Variants in MACROD2 observed in about 807,000 individuals in gnomAD.
MACROD2 encodes mono-ADP ribosylhydrolase 2.
In MACROD2, 36 loss-of-function variants were observed where a neutral mutation model predicts 70.4. The ratio of observed to expected loss-of-function variants is 0.51; its 90% CI spans 0.39 to 0.68. The LOEUF (loss-of-function observed/expected upper bound fraction) is 0.68. Ranked by LOEUF, MACROD2 falls within the 30% of genes least tolerant of loss-of-function variation. The pLI is 0.00. For synonymous variants in MACROD2, 172 were observed against 178.8 expected, an observed-to-expected ratio of 0.96 and a Z score of 0.30; for missense variants, 496 against 538.4, an observed-to-expected ratio of 0.92 and a Z score of 0.78.
chr20:15,861,889 G>T (rs1714533810), intron 8 of MACROD2, among the ~76,000 whole-genome samples: 1 of 152,248 alleles, frequency 6.6e-6, no homozygotes, highest in Non-Finnish European at 1.5e-5. Flanking sequence ...TATGCAACTT[G>T]CCAGTGAGTG....
chr20:15,413,289 G>A (rs1020289154), intron 6 of MACROD2, among the ~76,000 whole-genome samples: 5 of 152,126 alleles, frequency 3.3e-5, no homozygotes, highest in Non-Finnish European at 7.4e-5. Flanking sequence ...GAAATTGCAG[G>A]CACTTCAGAA....
intron 8 of MACROD2, among the ~76,000 whole-genome samples, chr20:15,673,976 C>T (rs1679839903): frequency 6.6e-6 from 1 of 152,040 alleles, no homozygotes; most frequent in Admixed American, 6.5e-5. Context: ...CTTGTGGCTA[C>T]CGTATTGAAA....
chr20:15,669,072 T>C (rs959238500), intron 8 of MACROD2, among the ~76,000 whole-genome samples: 2 of 152,186 alleles, frequency 1.3e-5, no homozygotes, highest in African/African-American at 4.8e-5. Context: ...AAACAATATA[T>C]ACTCCAACCT....
At chr20:15,101,419 G>A (rs2075871539) in intron 5 of MACROD2, among the ~76,000 whole-genome samples, 1 of 150,148 alleles carries the variant, frequency 6.7e-6, no homozygotes, top group Admixed American at 6.7e-5. Context: ...ACATGCCATT[G>A]TAGAATGCCA....
Position 15,866,229 on chromosome 20 carries a change from TA to T in MACROD2, c.727+3406del, listed in dbSNP as rs1164341489. On this transcript the variant is annotated intron_variant, in intron 9 of 17. Coordinates refer to ENST00000684519, the MANE Select transcript of MACROD2 (RefSeq NM_001351661.2). The stretch of plus-strand genomic sequence containing the variant: ...AGCAAGAACTTGGCTCTACAAAAAA[TA>T]AATAAATAAAAATTAGCTGAGAGTG... Among the ~76,000 whole-genome samples, 8 of 151,954 alleles carry T rather than the reference TA, an allele frequency of 5.3e-5. No homozygotes were observed. The South Asian group carries it at 6.2e-4, about 12-fold the overall frequency.
chr20:15,103,180 G>A (rs922613467), intron 5 of MACROD2, among the ~76,000 whole-genome samples: 6 of 152,036 alleles, frequency 3.9e-5, no homozygotes, highest in Non-Finnish European at 7.4e-5. Context: ...TTCTCACATA[G>A]CAAGAAGTCT....
At chr20:14,433,722 T>C (rs2084022687) in intron 3 of MACROD2, among the ~76,000 whole-genome samples, 2 of 152,144 alleles carry the variant, frequency 1.3e-5, no homozygotes, top group Admixed American at 1.3e-4. Flanking sequence ...CTGAATATTG[T>C]CTCACCAAGA....
chr20:14,655,081 C>G (rs993074065), intron 4 of MACROD2, among the ~76,000 whole-genome samples: 1 of 151,966 alleles, frequency 6.6e-6, no homozygotes, highest in African/African-American at 2.4e-5. Flanking sequence ...TAGTTGCCCT[C>G]AGCAATATCC....
intron 4 of MACROD2, among the ~76,000 whole-genome samples, chr20:14,589,259 AAG>A (rs1415234681): frequency 6.6e-6 from 1 of 152,156 alleles, no homozygotes; most frequent in Non-Finnish European, 1.5e-5. Flanking sequence ...TAATTTCTGA[AAG>A]AGTTGTGCTA....
chr20:14,364,519 T>G (rs2083254353), intron 3 of MACROD2, among the ~76,000 whole-genome samples: 1 of 152,168 alleles, frequency 6.6e-6, no homozygotes, highest in African/African-American at 2.4e-5. Flanking sequence ...CACAGTGTTA[T>G]GCAACCACCG....
rs544282796 is a variant in MACROD2 at position 14,990,640 on chromosome 20, A to G, written c.419-239300A>G. 3.8e-3 allele frequency among the ~76,000 whole-genome samples: 576 copies of G among 151,714 alleles called. 3 individuals carry two copies. The highest frequency in any genetic ancestry group is 0.013 in the African/African-American group (549 of 41,344). On this transcript the variant is annotated intron_variant, in intron 5 of 17. Transcript: ENST00000684519. The stretch of plus-strand genomic sequence containing the variant: ...GCAATTCTCCTGCCTCAGCCTCCCA[A>G]GTAGCAGGGACTACAGGCACTCACC...
chr20:14,079,053 C>G (rs183260952), intron 2 of MACROD2, among the ~76,000 whole-genome samples: 21 of 152,264 alleles, frequency 1.4e-4, no homozygotes, highest in Non-Finnish European at 1.0e-4. Context: ...AATTCCCTCA[C>G]CAGTTTTATC....
chr20:14,488,092 C>T lies in MACROD2; in HGVS notation c.272-5387C>T, dbSNP rs182746433. Among the ~76,000 whole-genome samples, 484 of 152,192 alleles carry T rather than the reference C, an allele frequency of 3.2e-3. 5 individuals carry two copies. The highest frequency in any genetic ancestry group is 0.011 in the African/African-American group (455 of 41,524). The stretch of plus-strand genomic sequence containing the variant: ...GCTTATGTTTTAATCAGGCTAAAAG[C>T]GTATCACATTCTCTCAAATAAGCAT... On this transcript the variant is annotated intron_variant, in intron 3 of 17. Transcript: ENST00000684519.
intron 5 of MACROD2, among the ~76,000 whole-genome samples, chr20:14,901,387 A>G (rs1224538442): frequency 6.6e-6 from 1 of 152,068 alleles, no homozygotes; most frequent in East Asian, 1.9e-4. Context: ...TAAACATCCT[A>G]GCTGTTTTCA....
At chr20:15,119,620 G>A (rs1445629446) in intron 5 of MACROD2, among the ~76,000 whole-genome samples, 1 of 152,166 alleles carries the variant, frequency 6.6e-6, no homozygotes, top group Non-Finnish European at 1.5e-5. Flanking sequence ...TGTCCCATGG[G>A]GAGACATCTT....
At chr20:15,895,099 T>C (rs1253816029) in intron 10 of MACROD2, among the ~76,000 whole-genome samples, 2 of 152,210 alleles carry the variant, frequency 1.3e-5, no homozygotes, top group Non-Finnish European at 2.9e-5. Flanking sequence ...CTGAGCCTCA[T>C]ATAACAGCTA....
chr20:14,051,945 A>T (rs768574832), intron 2 of MACROD2: 3 of 516,912 alleles, frequency 5.8e-6, no homozygotes, highest in Admixed American at 3.9e-5. Context: ...TGGTTGAAGA[A>T]GTGGTGGAGG....
chr20:14,900,098 A>ATAAT (rs1165815723), intron 5 of MACROD2, among the ~76,000 whole-genome samples: 1 of 152,034 alleles, frequency 6.6e-6, no homozygotes, highest in Non-Finnish European at 1.5e-5. Flanking sequence ...GATTCTTTTA[A>ATAAT]TAATATATAT....
chr20:14,313,044 C>T (rs1188013837), intron 3 of MACROD2, among the ~76,000 whole-genome samples: 1 of 152,306 alleles, frequency 6.6e-6, no homozygotes, highest in Non-Finnish European at 1.5e-5. Context: ...TTAACATCTA[C>T]GTTAAGACAC....
Sources: allele counts gnomAD v4.1 joint callset (sites outside exome capture counted in the v4.1 genomes callset), GRCh38; gene constraint gnomAD v4.1.1; transcripts MANE v1.5; gene names NCBI Gene and HGNC (gene_info 2026-07-23, HGNC 2026-07-21).